TXLNB: variants seen among roughly 807,000 people sequenced by gnomAD.
The protein encoded by TXLNB is beta-taxilin.
In TXLNB, 37 loss-of-function variants were observed where a neutral mutation model predicts 57.4. That is an observed-to-expected ratio of 0.64 (90% CI 0.50 to 0.85). The LOEUF is 0.85. Among genes scored for constraint, TXLNB ranks in the 40% least tolerant of loss-of-function variants. The pLI is 0.00. For missense variants in TXLNB, 848 were observed against 825.6 expected, an observed-to-expected ratio of 1.03 and a Z score of -0.33; for synonymous variants, 302 against 309.6, an observed-to-expected ratio of 0.98 and a Z score of 0.26.
upstream of TXLNB, among the ~76,000 whole-genome samples, chr6:139,292,676 A>G (rs1030255715): frequency 8.5e-5 from 13 of 152,162 alleles, no homozygotes; most frequent in African/African-American, 3.1e-4. This position sits in a 1 kb window ranked among gnomAD's most constrained non-coding sequence, Gnocchi z 4.0. Context: ...TCCCATCTCA[A>G]ACAAACCCTC....
the TXLNB span, among the ~76,000 whole-genome samples, chr6:139,315,359 T>C: frequency 7.9e-5 from 12 of 152,190 alleles, no homozygotes; most frequent in Non-Finnish European, 1.5e-4. Flanking sequence ...CTTTGGCCAT[T>C]GCAATTGCCC....
the TXLNB span, among the ~76,000 whole-genome samples, chr6:139,181,292 T>A: frequency 1.3e-5 from 2 of 152,270 alleles, no homozygotes; most frequent in African/African-American, 2.4e-5. Flanking sequence ...TGTTTTGCGT[T>A]CTGCAGTTGT....
At chr6:139,275,155 A>T (rs963491071) in intron 3 of TXLNB, among the ~76,000 whole-genome samples, 1 of 152,220 alleles carries the variant, frequency 6.6e-6, no homozygotes, top group Non-Finnish European at 1.5e-5. Context: ...TCTTAAAATC[A>T]TAAAAAAGAA....
At chr6:139,185,656 G>A in the TXLNB span, among the ~76,000 whole-genome samples, 45 of 152,100 alleles carry the variant, frequency 3.0e-4, no homozygotes, top group African/African-American at 9.7e-4. Flanking sequence ...AGCCGAGATC[G>A]CACCACTGCA....
At chr6:139,243,419 T>TTTG (rs1178968210) in intron 9 of TXLNB, 105 bp from the exon 10 acceptor site, 6 of 1,248,144 alleles carry the variant, frequency 4.8e-6, no homozygotes, top group Non-Finnish European at 6.6e-6. Context: ...TGTCCCAGAA[T>TTTG]TTGTCTACTA....
intron 7 of TXLNB, among the ~76,000 whole-genome samples, chr6:139,250,904 G>A (rs117298335): frequency 6.7e-4 from 102 of 152,320 alleles, no homozygotes; most frequent in Admixed American, 1.4e-3. Flanking sequence ...GGGTAAGGCT[G>A]TCACCATGTC....
At chr6:139,202,997 T>A in the TXLNB span, among the ~76,000 whole-genome samples, 1 of 152,204 alleles carries the variant, frequency 6.6e-6, no homozygotes, top group African/African-American at 2.4e-5. Flanking sequence ...TATCCTCTAA[T>A]CTCATTCATG....
chr6:139,216,552 C>G, the TXLNB span, among the ~76,000 whole-genome samples: 26 of 151,822 alleles, frequency 1.7e-4, 1 homozygote, highest in East Asian at 4.9e-3. Flanking sequence ...GTGCAGCACA[C>G]CAACATGGCA....
the TXLNB span, chr6:139,178,110 A>G: frequency 6.6e-6 from 1 of 152,252 alleles, no homozygotes; most frequent in Admixed American, 6.5e-5. Flanking sequence ...GTGTGAAAGG[A>G]TGATGAAGAA....
chr6:139,281,762 AT>A (rs1239628128), intron 2 of TXLNB, among the ~76,000 whole-genome samples: 1 of 112,180 alleles, frequency 8.9e-6, no homozygotes, highest in East Asian at 2.2e-4. Context: ...GTTAGCCAGG[AT>A]GGTCTCGATC....
At chr6:139,280,128 T>C (rs1777006256) in intron 2 of TXLNB, among the ~76,000 whole-genome samples, 1 of 151,432 alleles carries the variant, frequency 6.6e-6, no homozygotes, top group African/African-American at 2.4e-5. Flanking sequence ...GGCACATGCC[T>C]GTAATCCCAG....
At chr6:139,300,198 G>A in the TXLNB span, among the ~76,000 whole-genome samples, 4 of 152,166 alleles carry the variant, frequency 2.6e-5, no homozygotes, top group African/African-American at 7.2e-5. Context: ...GAAAACAGGT[G>A]TGTGGTGGTC....
At position 139,249,566 on chromosome 6, in the gene TXLNB, A is replaced by C. The variant is rs533421946; in HGVS notation, c.1078-1657T>G. ...AGTGAGACTGTCTTTTTTAAAGTAC[A>C]GAAAGCACCCTGAATGAAAGCTGGC... On this transcript the variant is annotated intron_variant, in intron 7 of 9. Transcript: ENST00000358430. 3.9e-5 allele frequency among the ~76,000 whole-genome samples: 6 copies of C among 152,354 alleles called. No individual in the cohort carries two copies. The South Asian group carries it at 1.2e-3, about 32-fold the overall frequency.
rs1014085939 is a variant in TXLNB, at chr6:139,243,323, T to A, written c.1267-9A>T. 6.9e-6 allele frequency: 11 copies of A among 1,601,244 alleles called. No homozygotes were observed. Among genetic ancestry groups the A allele is most frequent in the Non-Finnish European group, 9.3e-6 (11 of 1,176,640 alleles). On this transcript the variant is annotated splice_polypyrimidine_tract_variant and intron_variant, in intron 9 of 9. Coordinates refer to ENST00000358430, the MANE Select transcript of TXLNB (RefSeq NM_153235.4). ...TTAGCTCTCAGTGCTTTCTGTGATGTGAAAACACACGCACATACACACACA... is the reference window on the plus strand; with the variant it reads ...TTAGCTCTCAGTGCTTTCTGTGATGAGAAAACACACGCACATACACACACA...
chr6:139,201,485 G>GT, the TXLNB span, among the ~76,000 whole-genome samples: 204 of 148,950 alleles, frequency 1.4e-3, 1 homozygote, highest in South Asian at 7.0e-3. Flanking sequence ...GTATTATGTT[G>GT]TTTTTTTTTT....
intron 7 of TXLNB, among the ~76,000 whole-genome samples, chr6:139,248,460 C>T (rs1418386137): frequency 6.6e-6 from 1 of 150,674 alleles, no homozygotes; most frequent in African/African-American, 2.4e-5. Flanking sequence ...CACGCCATTA[C>T]ACTCCATCCT....
At chr6:139,238,257 G>C (rs943342557), downstream of TXLNB, among the ~76,000 whole-genome samples, 9 of 152,134 alleles carry the variant, frequency 5.9e-5, no homozygotes, top group African/African-American at 1.9e-4. Flanking sequence ...AGCCGGGCAT[G>C]GTGGCAGGTG....
intron 2 of TXLNB, 25 bp downstream of exon 2, chr6:139,288,451 C>T: frequency 6.2e-7 from 1 of 1,602,302 alleles, no homozygotes; most frequent in Non-Finnish European, 8.5e-7. Context: ...ACAGAAAAGT[C>T]ACATATTTGA....
At chr6:139,272,224 T>C (rs992333404) in intron 3 of TXLNB, among the ~76,000 whole-genome samples, 5 of 152,086 alleles carry the variant, frequency 3.3e-5, no homozygotes, top group Non-Finnish European at 5.9e-5. Flanking sequence ...GGAGAATTGC[T>C]TGAACCAGGG....
Sources: allele counts gnomAD v4.1 joint callset (sites outside exome capture counted in the v4.1 genomes callset), GRCh38; gene constraint gnomAD v4.1.1; non-coding constraint Gnocchi (gnomAD v3.1); transcripts MANE v1.5; gene names NCBI Gene and HGNC (gene_info 2026-07-23, HGNC 2026-07-21).